Variants in TRPC4 observed in about 807,000 individuals in gnomAD.
TRPC4 encodes short transient receptor potential channel 4.
A neutral mutation model predicts 99.4 loss-of-function variants in TRPC4; 49 were observed. That is an observed-to-expected ratio of 0.49 (90% CI 0.39 to 0.63). The LOEUF (loss-of-function observed/expected upper bound fraction) is 0.63, where lower values mean the gene tolerates loss of function less well. TRPC4 is among the 20% of genes least tolerant of loss of function. The pLI is 0.00. For missense variants in TRPC4, 898 were observed against 1,152.9 expected, an observed-to-expected ratio of 0.78 and a Z score of 3.20; for synonymous variants, 454 against 425.9, an observed-to-expected ratio of 1.07 and a Z score of -0.81.
intron 1 of TRPC4, among the ~76,000 whole-genome samples, chr13:37,834,938 T>G (rs929009160): frequency 6.6e-6 from 1 of 152,114 alleles, no homozygotes; most frequent in Non-Finnish European, 1.5e-5. Flanking sequence ...TTTCACCAAG[T>G]TGGCCAGGCT....
At chr13:37,665,795 CCTA>C (rs1386647112) in intron 5 of TRPC4, among the ~76,000 whole-genome samples, 5 of 147,732 alleles carry the variant, frequency 3.4e-5, no homozygotes, top group Non-Finnish European at 7.4e-5. Context: ...CTATTATGGA[CCTA>C]CTCTGAAAAG....
intron 1 of TRPC4, among the ~76,000 whole-genome samples, chr13:37,802,162 CAG>C (rs1350945138): frequency 3.9e-5 from 6 of 152,054 alleles, no homozygotes; most frequent in African/African-American, 1.2e-4. Flanking sequence ...AAAAACCATA[CAG>C]AGAGTTTCCT....
At chr13:37,738,423 A>C (rs1955470305) in intron 3 of TRPC4, among the ~76,000 whole-genome samples, 1 of 152,202 alleles carries the variant, frequency 6.6e-6, no homozygotes, top group Non-Finnish European at 1.5e-5. Context: ...GAGAGAGTCA[A>C]GGAAATCTAC....
At chr13:37,852,333 C>T (rs1304284681) in intron 1 of TRPC4, among the ~76,000 whole-genome samples, 3 of 152,130 alleles carry the variant, frequency 2.0e-5, no homozygotes, top group Non-Finnish European at 4.4e-5. Flanking sequence ...CATTCAAGGC[C>T]CTAGCTCCAG....
At chr13:37,806,216 T>C (rs943570967) in intron 1 of TRPC4, among the ~76,000 whole-genome samples, 1 of 152,074 alleles carries the variant, frequency 6.6e-6, no homozygotes, top group Non-Finnish European at 1.5e-5. Flanking sequence ...AAGTTGCTAG[T>C]ATATAAGACT....
intron 8 of TRPC4, among the ~76,000 whole-genome samples, chr13:37,650,135 G>C (rs1175405371): frequency 6.6e-6 from 1 of 152,190 alleles, no homozygotes; most frequent in Non-Finnish European, 1.5e-5. Flanking sequence ...GACAATGCCT[G>C]GTGGGCAATG....
chr13:37,792,319 G>C (rs1266772802), intron 1 of TRPC4, among the ~76,000 whole-genome samples: 1 of 152,046 alleles, frequency 6.6e-6, no homozygotes, highest in Non-Finnish European at 1.5e-5. Flanking sequence ...CATATTTTGA[G>C]TAATCTTGCT....
chr13:37,833,525 C>T (rs1566208239), intron 1 of TRPC4, among the ~76,000 whole-genome samples: 1 of 152,194 alleles, frequency 6.6e-6, no homozygotes, highest in Non-Finnish European at 1.5e-5. Context: ...AAGATACTCT[C>T]CTCCTGCTCT....
At chr13:37,691,018 G>GA (rs1224512241) in intron 4 of TRPC4, among the ~76,000 whole-genome samples, 1 of 152,166 alleles carries the variant, frequency 6.6e-6, no homozygotes, top group African/African-American at 2.4e-5. Flanking sequence ...GTATGATAGA[G>GA]AAAAGGATAA....
rs138816955 is a variant in TRPC4, at chr13:37,835,748, G to A, written c.-28+33847C>T. Among the ~76,000 whole-genome samples, 1,105 of 152,240 alleles carry A rather than the reference G, an allele frequency of 7.3e-3. 9 individuals carry two copies. The highest frequency in any genetic ancestry group is 0.025 in the African/African-American group (1,050 of 41,538). The stretch of plus-strand genomic sequence containing the variant: ...CTTATTTTTAGATTCAACACATAAG[G>A]TGCATGACATTAGTATGTACAGCAT... On this transcript the variant is annotated intron_variant, in intron 1 of 10. Transcript: ENST00000379705.
intron 2 of TRPC4, among the ~76,000 whole-genome samples, chr13:37,749,472 T>TG (rs1275368493): frequency 6.6e-6 from 1 of 152,084 alleles, no homozygotes; most frequent in Non-Finnish European, 1.5e-5. Flanking sequence ...CTGGACTCCG[T>TG]GGGGGACTCT....
chr13:37,813,656 G>T (rs972369681), intron 1 of TRPC4, among the ~76,000 whole-genome samples: 12 of 151,756 alleles, frequency 7.9e-5, no homozygotes, highest in African/African-American at 2.4e-4. Flanking sequence ...GAATAAACAA[G>T]CTACCAAACA....
At chr13:37,819,565 C>G (rs1203543794) in intron 1 of TRPC4, among the ~76,000 whole-genome samples, 1 of 151,948 alleles carries the variant, frequency 6.6e-6, no homozygotes, top group African/African-American at 2.4e-5. Flanking sequence ...CAAACTAACG[C>G]AGGAACAGGA....
rs1958172739 is a variant in TRPC4 at position 37,825,408 on chromosome 13, T to A, written c.-27-42048A>T. 2.0e-5 allele frequency among the ~76,000 whole-genome samples: 3 copies of A among 152,014 alleles called. No individual in the cohort carries two copies. The East Asian group carries it at 5.9e-4, about 30-fold the overall frequency. ...CTTTCCTGCTTTCTCTTGTGGGCAT[T>A]TAGTGCTATAAATTTCCCTCTACAC... On this transcript the variant is annotated intron_variant, in intron 1 of 10. Transcript: ENST00000379705.
At chr13:37,851,520 T>G (rs192115219) in intron 1 of TRPC4, among the ~76,000 whole-genome samples, 8 of 152,192 alleles carry the variant, frequency 5.3e-5, no homozygotes, top group Non-Finnish European at 1.2e-4. Flanking sequence ...ATGGAAATAC[T>G]AGAAGTGGAA....
intron 3 of TRPC4, among the ~76,000 whole-genome samples, chr13:37,697,610 T>C (rs1440948762): frequency 6.6e-6 from 1 of 152,176 alleles, no homozygotes; most frequent in Non-Finnish European, 1.5e-5. Flanking sequence ...TTTTGGGATA[T>C]GTATGAAAAT....
chr13:37,681,237 A>G (rs1156881857), intron 4 of TRPC4, among the ~76,000 whole-genome samples: 1 of 152,208 alleles, frequency 6.6e-6, no homozygotes, highest in East Asian at 1.9e-4. Flanking sequence ...ATGCTGATAT[A>G]TTACAATTCC....
intron 8 of TRPC4, among the ~76,000 whole-genome samples, chr13:37,642,736 C>CTTTTTTTT (rs796528635): frequency 3.6e-4 from 1 of 2,806 alleles, no homozygotes; most frequent in Non-Finnish European, 7.6e-4. Context: ...CTTTCTTTTT[C>CTTTTTTTT]TTTTTTTTTT....
At chr13:37,756,090 TAG>T (rs1242003702) in intron 2 of TRPC4, among the ~76,000 whole-genome samples, 51 of 152,234 alleles carry the variant, frequency 3.4e-4, no homozygotes, top group African/African-American at 9.4e-4. Flanking sequence ...AAATTTTATA[TAG>T]AGTTATATTT....
Sources: gnomAD v4.1 joint callset for allele counts (sites outside exome capture counted in the v4.1 genomes callset) on GRCh38, gnomAD v4.1.1 for gene constraint, MANE v1.5 for transcripts, NCBI Gene and HGNC (gene_info 2026-07-23, HGNC 2026-07-21) for gene names.